CORO1B: variants seen among roughly 807,000 people sequenced by gnomAD.
The protein encoded by CORO1B is coronin-1B.
CORO1B carries 30 observed loss-of-function variants against 51.1 expected under a neutral mutation model. That is an observed-to-expected ratio of 0.59 (90% confidence interval 0.44 to 0.80). The LOEUF (loss-of-function observed/expected upper bound fraction) is 0.80, where lower values mean the gene tolerates loss of function less well. CORO1B is among the 30% of genes least tolerant of loss of function. The pLI is 0.00. For synonymous variants in CORO1B, 310 were observed against 289.7 expected, an observed-to-expected ratio of 1.07 and a Z score of -0.71; for missense variants, 648 against 700.4, an observed-to-expected ratio of 0.93 and a Z score of 0.84.
In CORO1B at chr11:67,436,418, G is replaced by A; in HGVS notation, c.*1958C>T. 1.4e-6 allele frequency: 2 copies of A among 1,414,468 alleles called. No individual in the cohort carries two copies. Among genetic ancestry groups the A allele is most frequent in the African/African-American group, 1.5e-5 (1 of 68,654 alleles). 87.6% of individuals were successfully genotyped at this position (1,414,468 alleles called of 1,614,324 possible). On this transcript the variant is annotated 3_prime_UTR_variant, in exon 11 of 11. Transcript: ENST00000341356. ...GTGGGGCCTGGTGTGGGGCAGGCTG[G>A]GTGACCAAGACCACTTTCGTTTTTT...
Position 67,438,338 on chromosome 11 carries a change from G to A in CORO1B, c.*38C>T. 6.4e-7 allele frequency: 1 copy of A among 1,566,052 alleles called. No homozygotes were observed. Among genetic ancestry groups the A allele is most frequent in the Non-Finnish European group, 8.7e-7 (1 of 1,154,138 alleles). On this transcript the variant is annotated 3_prime_UTR_variant, in exon 11 of 11. Transcript: ENST00000341356. ...GCTGGCAGAAGCTGAGTGGGAAGGG[G>A]GCGGCGGAGGAGATGAAGGTGGCGT... is the stretch of plus-strand genomic sequence containing the variant.
Position 67,435,577 on chromosome 11 carries a change from G to T in CORO1B, c.*2799C>A. The T allele has an allele frequency of 8.6e-7, 1 of 1,164,758 alleles. No homozygotes were observed. The highest frequency in any genetic ancestry group is 1.2e-6 in the Non-Finnish European group (1 of 853,680). The allele number at this position is 1,164,758 out of a possible 1,614,324, so 72.2% of individuals were successfully genotyped here. On this transcript the variant is annotated 3_prime_UTR_variant, in exon 11 of 11. Coordinates refer to ENST00000341356, the MANE Select transcript of CORO1B (RefSeq NM_020441.3). ...TGTGGTTGGGGGGGGCCGTTCCCGT[G>T]GTGAGCGGGGTACACATGGACTTGG...
At chr11:67,439,033 ACT>A in intron 9 of CORO1B, 84 bp from the exon 10 acceptor site, 2 of 1,435,388 alleles carry the variant, frequency 1.4e-6, no homozygotes, top group Non-Finnish European at 1.9e-6. Context: ...CCAGGCTTGC[ACT>A]CTGTTAACCC....
chr11:67,442,306 C>A, intron 2 of CORO1B, 122 bp downstream of exon 2: 1 of 1,271,702 alleles, frequency 7.9e-7, no homozygotes. Context: ...GGCGATAAAT[C>A]TGGGTTATAA....
In CORO1B at chr11:67,442,503, G is replaced by A. The variant is rs1486842604; in HGVS notation, c.126C>T (p.Ala42=). 10 of 1,613,530 alleles carry A rather than the reference G, an allele frequency of 6.2e-6. No individual in the cohort carries two copies. In the African/African-American group the frequency reaches 6.7e-5, roughly 11 times the overall value. The change falls in exon 2 of 11, where the codon GCC becomes GCT. Residue 42 remains alanine (A), a synonymous_variant. Transcript: ENST00000341356. ...SRVTWDSTFC[A]VNPKFLAVIV... is the part of the protein sequence containing the mutation. ...TCACCGCCAGGAACTTGGGGTTGAC[G>A]GCGCAGAAGGTGCTGTCCCAGGTAA...
In CORO1B at chr11:67,438,858, T is replaced by G. The variant is rs755147724; in HGVS notation, c.1157A>C (p.Asp386Ala). The G allele has an allele frequency of 8.1e-6, 13 of 1,608,632 alleles. No individual in the cohort carries two copies. The highest frequency in any genetic ancestry group is 5.0e-5 in the Admixed American group (3 of 59,580). The change falls in exon 10 of 11, where the codon GAC (aspartate) becomes GCC (alanine). Residue 386 changes from aspartate to alanine, a missense_variant. Physicochemically the swap from Asp to Ala is moderately radical, Grantham distance 126. Transcript: ENST00000341356. Reference protein sequence around the residue: ...AEEWVSGRDADPILISLREAY... With the variant: ...AEEWVSGRDAAPILISLREAY... ...CTCCCGCAGTGAGATGAGGATCGGG[T>G]CGGCATCCCGCCCGCTCACCCACTC...
chr11:67,443,053 A>T (rs1864429148), intron 1 of CORO1B, among the ~76,000 whole-genome samples: 1 of 152,106 alleles, frequency 6.6e-6, no homozygotes, highest in African/African-American at 2.4e-5. Flanking sequence ...AAGCAGGAAA[A>T]GTCTCTCTAC....
chr11:67,441,684 T>C (rs1001882816), intron 4 of CORO1B, 49 bp downstream of exon 4: 6 of 1,093,450 alleles, frequency 5.5e-6, no homozygotes, highest in Non-Finnish European at 7.1e-6. Flanking sequence ...CTGGGATGTA[T>C]GGAGGGGTCC....
rs1273664343 is a variant in CORO1B, at chr11:67,438,787, T to C, written c.1228A>G (p.Asn410Asp). 1.3e-6 allele frequency: 2 copies of C among 1,598,698 alleles called. No individual in the cohort carries two copies. Among genetic ancestry groups the C allele is most frequent in the African/African-American group, 2.7e-5 (2 of 74,754 alleles). The change falls in exon 10 of 11, where the codon AAC becomes GAC. Residue 410 changes from asparagine (N) to aspartate (D), a missense_variant. Asn to Asp is a conservative substitution (Grantham distance 23, BLOSUM62 1). Transcript: ENST00000341356. ...KQRDLKISRR[N>D]VLSDSRPAMA... ...GCGGGCCGGCTGTCAGACAACACGT[T>C]GCGCCGGCTGATCTTCAGGTCCCGC... is the stretch of plus-strand genomic sequence containing the variant.
rs1864337334 is a variant in CORO1B, at chr11:67,438,697, G to A, written c.1318C>T (p.Pro440Ser). The change falls in exon 10 of 11, where the codon CCC becomes TCC. Residue 440 changes from proline to serine, a missense_variant. Physicochemically the swap from Pro to Ser is moderately conservative, Grantham distance 74 (BLOSUM62 -1). Coordinates refer to ENST00000341356, the MANE Select transcript of CORO1B (RefSeq NM_020441.3). Reference sequence around the variant, plus strand: ...CCGGCTCTGGCCAGGCTGCCGCTGGGGGTGGCATCAGCAGCAGTGGTGGTG... The same window carrying A: ...CCGGCTCTGGCCAGGCTGCCGCTGGAGGTGGCATCAGCAGCAGTGGTGGTG... ...ASTTTAADAT[P>S]SGSLARAGEA... is the part of the protein sequence containing the mutation. The A allele has an allele frequency of 6.5e-7, 1 of 1,547,268 alleles. No homozygotes were observed. The highest frequency in any genetic ancestry group is 2.4e-5 in the East Asian group (1 of 41,626).
chr11:67,438,233 G>A lies in CORO1B; in HGVS notation c.*143C>T, dbSNP rs1189732880. The A allele has an allele frequency of 9.5e-7, 1 of 1,058,124 alleles. No individual in the cohort carries two copies. The highest frequency in any genetic ancestry group is 1.3e-6 in the Non-Finnish European group (1 of 744,418). The allele number at this position is 1,058,124 out of a possible 1,614,324, so 65.5% of individuals were successfully genotyped here. On this transcript the variant is annotated 3_prime_UTR_variant, in exon 11 of 11. Transcript: ENST00000341356. ...AAAGCTGGGCGCTGGCTTCGGCCTG[G>A]GCCTGGGACGGGTGGGGGTGGGAAC... is the stretch of plus-strand genomic sequence containing the variant.
chr11:67,440,666 C>T (rs1864376788), intron 6 of CORO1B: 1 of 683,630 alleles, frequency 1.5e-6, no homozygotes, highest in African/African-American at 1.8e-5. Context: ...GGCCTTAAGA[C>T]TATGCCCAGG....
intron 6 of CORO1B, 42 bp from the exon 7 acceptor site, chr11:67,440,481 C>T: frequency 6.3e-7 from 1 of 1,578,846 alleles, no homozygotes; most frequent in Non-Finnish European, 8.7e-7. Flanking sequence ...AACCTCCTCA[C>T]CCCCTAATCC....
Position 67,437,419 on chromosome 11 carries a change from G to T in CORO1B, c.*957C>A. 2.0e-6 allele frequency: 1 copy of T among 502,610 alleles called. No individual in the cohort carries two copies. The highest frequency in any genetic ancestry group is 3.3e-6 in the Non-Finnish European group (1 of 307,426). 31.1% of individuals were successfully genotyped at this position (502,610 alleles called of 1,614,324 possible). ...CTGACAGGGGCCTGGTCCGGTATGGGGTGCTGGGGGCCAGGCCTGGAGTCC... is the reference window on the plus strand; with the variant it reads ...CTGACAGGGGCCTGGTCCGGTATGGTGTGCTGGGGGCCAGGCCTGGAGTCC... On this transcript the variant is annotated 3_prime_UTR_variant, in exon 11 of 11. Transcript: ENST00000341356.
At position 67,440,153 on chromosome 11, in the gene CORO1B, C is replaced by T; in HGVS notation, c.972G>A (p.Lys324=). Residue 324 remains lysine (K), a synonymous_variant, in exon 8 of 11, where the codon AAG becomes AAA. Transcript: ENST00000341356. The part of the protein sequence containing the change: ...EPQRGMGSMP[K]RGLEVSKCEI... ...CGCACTTGCTGACCTCCAGGCCCCGCTTGGGCATGCTGCCCATACCCCGCT... is the reference window on the plus strand; with the variant it reads ...CGCACTTGCTGACCTCCAGGCCCCGTTTGGGCATGCTGCCCATACCCCGCT... The T allele has an allele frequency of 1.9e-6, 3 of 1,613,612 alleles. No homozygotes were observed. The highest frequency in any genetic ancestry group is 2.7e-5 in the African/African-American group (2 of 75,064).
At position 67,436,607 on chromosome 11, in the gene CORO1B, T is replaced by A. The variant is rs1343449583; in HGVS notation, c.*1769A>T. 2 of 405,628 alleles carry A rather than the reference T, an allele frequency of 4.9e-6. No homozygotes were observed. The highest frequency in any genetic ancestry group is 8.7e-6 in the Non-Finnish European group (2 of 229,576). The allele number at this position is 405,628 out of a possible 1,614,324, so 25.1% of individuals were successfully genotyped here. A position where few individuals can be genotyped will look rare whatever the true frequency, so the allele number is the denominator to read the frequency against. ...AGCCACCTGCCTGGGGCCTTCGCAC[T>A]GGCTGTTCCCTCTGCCCGGAAAGCT... is the stretch of plus-strand genomic sequence containing the variant. On this transcript the variant is annotated 3_prime_UTR_variant, in exon 11 of 11. Transcript: ENST00000341356.
In CORO1B at chr11:67,441,835, T is replaced by C. The variant is rs1017917152; in HGVS notation, c.352A>G (p.Thr118Ala). The C allele has an allele frequency of 6.2e-7, 1 of 1,612,568 alleles. No individual in the cohort carries two copies. The highest frequency in any genetic ancestry group is 8.5e-7 in the Non-Finnish European group (1 of 1,179,834). ...MVWQIPENGL[T>A]SPLTEPVVVL... ...ACCACCGGCTCTGTCAGCGGGGAGG[T>C]CAGCCCGTTCTCTGGGATCTGCCAC... The change falls in exon 4 of 11, where the codon ACC becomes GCC. Residue 118 changes from threonine (T) to alanine (A), a missense_variant. Coordinates refer to ENST00000341356, the MANE Select transcript of CORO1B (RefSeq NM_020441.3).
At chr11:67,441,643 C>A (rs1281462514) in intron 4 of CORO1B, 90 bp downstream of exon 4, 1 of 1,552,222 alleles carries the variant, frequency 6.4e-7, no homozygotes, top group East Asian at 2.3e-5. Context: ...CCTCAGCTTT[C>A]CCATTTGTCA....
chr11:67,442,502 CG>C lies in CORO1B; in HGVS notation c.126del (p.Val43SerfsTer8), dbSNP rs1164572157. 1.2e-6 allele frequency: 2 copies of C among 1,613,630 alleles called. No individual in the cohort carries two copies. The highest frequency in any genetic ancestry group is 1.7e-6 in the Non-Finnish European group (2 of 1,180,030). Reference sequence around the variant, plus strand: ...ATCACCGCCAGGAACTTGGGGTTGACGGCGCAGAAGGTGCTGTCCCAGGTAA... The same window carrying C: ...ATCACCGCCAGGAACTTGGGGTTGACGCGCAGAAGGTGCTGTCCCAGGTAA... Reference protein sequence around the residue: ...SRVTWDSTFCAVNPKFLAVIV... With the variant: ...SRVTWDSTFCXVNPKFLAVIV... On this transcript the variant is annotated frameshift_variant, in exon 2 of 11. Transcript: ENST00000341356. LOFTEE classifies it high-confidence loss of function.
Sources: gnomAD v4.1 joint callset for allele counts (sites outside exome capture counted in the v4.1 genomes callset) on GRCh38, gnomAD v4.1.1 for gene constraint, MANE v1.5 for transcripts, NCBI Gene and HGNC (gene_info 2026-07-23, HGNC 2026-07-21) for gene names.